VPS54: variants seen among roughly 807,000 people sequenced by gnomAD.
The protein encoded by VPS54 is vacuolar protein sorting-associated protein 54.
VPS54 carries 45 observed loss-of-function variants against 121.5 expected under a neutral mutation model. The observed-to-expected ratio is 0.37, with a 90% CI of 0.29 to 0.47. The LOEUF (loss-of-function observed/expected upper bound fraction) is 0.47, where lower values mean the gene tolerates loss of function less well. Among genes scored for constraint, VPS54 ranks in the 20% least tolerant of loss-of-function variants. The pLI is 0.99. For missense variants in VPS54, 1,090 were observed against 1,131.4 expected, an observed-to-expected ratio of 0.96 and a Z score of 0.52; for synonymous variants, 371 against 385.8, an observed-to-expected ratio of 0.96 and a Z score of 0.45.
intron 12 of VPS54, among the ~76,000 whole-genome samples, chr2:63,923,450 T>G (rs1673743219): frequency 6.6e-6 from 1 of 152,208 alleles, no homozygotes; most frequent in South Asian, 2.1e-4. Context: ...GTAAGATCTC[T>G]AGGATTTATA....
At chr2:63,980,521 G>A (rs1386314530) in intron 3 of VPS54, among the ~76,000 whole-genome samples, 1 of 151,720 alleles carries the variant, frequency 6.6e-6, no homozygotes, top group African/African-American at 2.4e-5. Flanking sequence ...TTATGGCTTT[G>A]TTTGGATTGA....
Position 63,972,201 on chromosome 2 carries a change from T to G in VPS54, c.422A>C (p.Lys141Thr). 1 of 1,595,846 alleles carries G rather than the reference T, an allele frequency of 6.3e-7. No homozygotes were observed. The highest frequency in any genetic ancestry group is 8.6e-7 in the Non-Finnish European group (1 of 1,167,604). The change falls in exon 4 of 23, where the codon AAA becomes ACA. Residue 141 changes from lysine to threonine, a missense_variant. By Grantham distance (78) the Lys-to-Thr change is moderately conservative. Coordinates refer to ENST00000272322, the MANE Select transcript of VPS54 (RefSeq NM_016516.3). Reference protein sequence around the residue: ...HERCKNICPPKDTFERTLLHT... With the variant: ...HERCKNICPPTDTFERTLLHT... ...TAAAAGAGTCCTTTCGAAGGTATCT[T>G]TAGGAGGACAAATATTCTTGCATCT... is the stretch of plus-strand genomic sequence containing the variant.
chr2:63,949,516 C>G (rs1166642383), intron 7 of VPS54, among the ~76,000 whole-genome samples: 1 of 152,070 alleles, frequency 6.6e-6, no homozygotes, highest in Non-Finnish European at 1.5e-5. Context: ...ACATTCTTTT[C>G]TATATTATGT....
intron 20 of VPS54, among the ~76,000 whole-genome samples, chr2:63,905,770 C>A (rs1473206471): frequency 6.6e-6 from 1 of 152,040 alleles, no homozygotes; most frequent in Non-Finnish European, 1.5e-5. Context: ...CATAATACCC[C>A]TCCACCACAC....
chr2:63,977,945 A>G (rs1358471128), intron 3 of VPS54, among the ~76,000 whole-genome samples: 8 of 152,200 alleles, frequency 5.3e-5, no homozygotes, highest in Non-Finnish European at 1.0e-4. Context: ...TACTATCTTC[A>G]GGTTTCCCTG....
At chr2:63,909,574 C>A (rs139621993) in intron 20 of VPS54, among the ~76,000 whole-genome samples, 1 of 151,602 alleles carries the variant, frequency 6.6e-6, no homozygotes, top group Non-Finnish European at 1.5e-5. Flanking sequence ...CACCCACTAC[C>A]ATGCCCGGCT....
intron 11 of VPS54, among the ~76,000 whole-genome samples, chr2:63,934,453 C>A (rs1674360242): frequency 1.3e-5 from 2 of 152,226 alleles, no homozygotes; most frequent in Non-Finnish European, 2.9e-5. Context: ...TCACTACTCT[C>A]CAGACATTCT....
chr2:63,953,047 T>A (rs917969246), intron 7 of VPS54, among the ~76,000 whole-genome samples: 1 of 149,780 alleles, frequency 6.7e-6, no homozygotes, highest in Non-Finnish European at 1.5e-5. Flanking sequence ...CATACAGCTA[T>A]AGAGCAGTTT....
chr2:64,003,668 C>A (rs1677990091), intron 1 of VPS54, among the ~76,000 whole-genome samples: 1 of 151,920 alleles, frequency 6.6e-6, no homozygotes, highest in South Asian at 2.1e-4. Flanking sequence ...TAAGTAATAA[C>A]AGAATGGGTC....
chr2:64,007,076 G>A (rs1313871659), intron 1 of VPS54, among the ~76,000 whole-genome samples: 1 of 152,176 alleles, frequency 6.6e-6, no homozygotes, highest in Non-Finnish European at 1.5e-5. Context: ...GTGGTGGGTA[G>A]GAGAAAGTAG....
At chr2:63,926,886 A>G (rs953093635) in intron 12 of VPS54, among the ~76,000 whole-genome samples, 1 of 152,158 alleles carries the variant, frequency 6.6e-6, no homozygotes, top group Non-Finnish European at 1.5e-5. Context: ...GCTCACTGGT[A>G]GCACAGGAGT....
chr2:63,995,507 G>A (rs1275077984), intron 1 of VPS54, among the ~76,000 whole-genome samples: 1 of 152,184 alleles, frequency 6.6e-6, no homozygotes, highest in African/African-American at 2.4e-5. Flanking sequence ...CTGTGATCAT[G>A]GGCCTAATTA....
chr2:63,981,939 G>C, intron 2 of VPS54, 52 bp from the exon 3 acceptor site: 2 of 1,551,630 alleles, frequency 1.3e-6, no homozygotes, highest in Non-Finnish European at 1.7e-6. Flanking sequence ...TTGGTTCTAT[G>C]TTTGAAAGTA....
intron 20 of VPS54, 116 bp from the exon 21 acceptor site, chr2:63,899,697 C>G: frequency 1.3e-6 from 1 of 791,836 alleles, no homozygotes; most frequent in Non-Finnish European, 2.0e-6. Flanking sequence ...TGGCATAGTA[C>G]TTAAGCTTAC....
chr2:63,990,856 T>C (rs1183949966), intron 1 of VPS54, among the ~76,000 whole-genome samples: 1 of 152,238 alleles, frequency 6.6e-6, no homozygotes, highest in African/African-American at 2.4e-5. Context: ...AATTTAAGGA[T>C]GCTTGTACTC....
In VPS54 at chr2:63,942,534, A is replaced by C; in HGVS notation, c.1329T>G (p.Asn443Lys). Reference protein sequence around the residue: ...VKLADQMRMLNFPQWFDLLKD... With the variant: ...VKLADQMRMLKFPQWFDLLKD... ...TGAGCAGATCAAACCACTGGGGAAAATTCAACATTCTCATCTGATCTGCAA... is the reference window on the plus strand; with the variant it reads ...TGAGCAGATCAAACCACTGGGGAAACTTCAACATTCTCATCTGATCTGCAA... The change falls in exon 11 of 23, where the codon AAT (asparagine) becomes AAG (lysine). Residue 443 changes from asparagine to lysine, a missense_variant. Transcript: ENST00000272322. 1 of 1,595,568 alleles carries C rather than the reference A, an allele frequency of 6.3e-7. No homozygotes were observed. Among genetic ancestry groups the C allele is most frequent in the South Asian group, 1.1e-5 (1 of 88,310 alleles).
At chr2:63,933,530 A>C (rs566643914) in intron 12 of VPS54, 143 bp downstream of exon 12, 1 of 701,890 alleles carries the variant, frequency 1.4e-6, no homozygotes, top group Non-Finnish European at 2.3e-6. Context: ...ATTTTTATAG[A>C]GATACGTTTC....
At position 63,962,075 on chromosome 2, in the gene VPS54, C is replaced by G; in HGVS notation, c.993G>C (p.Gln331His). ...TTQEVLQQEL[Q>H]GIHSFRHLGS... is the part of the protein sequence containing the mutation. Reference sequence around the variant, plus strand: ...GAACATACCGGAAACTGTGAATGCCCTGAAGTTCCTGCTGTAGAACCTCTT... The same window carrying G: ...GAACATACCGGAAACTGTGAATGCCGTGAAGTTCCTGCTGTAGAACCTCTT... Residue 331 changes from glutamine to histidine, a missense_variant, in exon 7 of 23, where the codon CAG becomes CAC. By Grantham distance (24) the Gln-to-His change is conservative. Around this residue, in one of 2 missense-constraint regions of VPS54, gnomAD observed 801 missense variants for 757.0 expected, o/e 1.06. Coordinates refer to ENST00000272322, the MANE Select transcript of VPS54 (RefSeq NM_016516.3). The G allele has an allele frequency of 1.3e-6, 2 of 1,575,542 alleles. No individual in the cohort carries two copies. Among genetic ancestry groups the G allele is most frequent in the East Asian group, 2.3e-5 (1 of 44,074 alleles).
chr2:64,010,789 CAT>C (rs1678392504), intron 1 of VPS54, among the ~76,000 whole-genome samples: 2 of 152,086 alleles, frequency 1.3e-5, no homozygotes, highest in African/African-American at 4.8e-5. Flanking sequence ...ACAATTTAAA[CAT>C]AATCTCAAGA....
Sources: allele counts gnomAD v4.1 joint callset (sites outside exome capture counted in the v4.1 genomes callset), GRCh38; gene constraint gnomAD v4.1.1; regional missense constraint gnomAD v4.1.1; transcripts MANE v1.5; gene names NCBI Gene and HGNC (gene_info 2026-07-23, HGNC 2026-07-21).